SIRPD: variants seen among roughly 807,000 people sequenced by gnomAD.
SIRPD encodes the protein signal regulatory protein delta.
A neutral mutation model predicts 18.0 loss-of-function variants in SIRPD; 21 were observed. That is an observed-to-expected ratio of 1.17 (90% CI 0.83 to 1.68). The LOEUF (loss-of-function observed/expected upper bound fraction) is 1.68. Ranked by LOEUF, SIRPD falls within the 40% of genes most tolerant of loss-of-function variation. The pLI, the probability that SIRPD is intolerant of heterozygous loss-of-function variation, is 0.00. For synonymous variants in SIRPD, 106 were observed against 92.9 expected, an observed-to-expected ratio of 1.14 and a Z score of -0.81; for missense variants, 295 against 238.4, an observed-to-expected ratio of 1.24 and a Z score of -1.56.
rs148931532 is a variant in SIRPD at position 1,548,108 on chromosome 20, G to A, written c.421+3583C>T. Among the ~76,000 whole-genome samples the A allele has an allele frequency of 5.9e-5, 9 of 152,214 alleles. No individual in the cohort carries two copies. In the East Asian group the frequency reaches 1.4e-3, roughly 23 times the overall value. ...TCCTGACTAAAAATTTTAGTACAAC[G>A]TTGAGTAGAAATGGTGATAGGAGAT... On this transcript the variant is annotated intron_variant, in intron 2 of 3. Coordinates refer to ENST00000381623, the MANE Select transcript of SIRPD (RefSeq NM_178460.3).
intron 2 of SIRPD, among the ~76,000 whole-genome samples, chr20:1,539,785 G>C (rs1272453824): frequency 1.3e-5 from 2 of 152,150 alleles, no homozygotes; most frequent in Admixed American, 6.5e-5. Flanking sequence ...CTGTCCTATG[G>C]AGAAGCCCAT....
intron 2 of SIRPD, among the ~76,000 whole-genome samples, chr20:1,537,860 G>A (rs541648722): frequency 6.6e-6 from 1 of 152,234 alleles, no homozygotes; most frequent in South Asian, 2.1e-4. Context: ...TTAGAGAAAA[G>A]GGGAAGAAGC....
intron 2 of SIRPD, among the ~76,000 whole-genome samples, chr20:1,550,305 T>C (rs1052556182): frequency 1.3e-5 from 2 of 152,230 alleles, no homozygotes; most frequent in African/African-American, 2.4e-5. Flanking sequence ...AATAAAATGT[T>C]GACAACATGG....
chr20:1,556,817 C>A (rs150888672), intron 1 of SIRPD, among the ~76,000 whole-genome samples: 1 of 152,170 alleles, frequency 6.6e-6, no homozygotes, highest in Admixed American at 6.5e-5. Context: ...GCCCACACTT[C>A]GATTTTGAAT....
At position 1,557,676 on chromosome 20, in the gene SIRPD, T is replaced by C; in HGVS notation, c.-23A>G. On this transcript the variant is annotated 5_prime_UTR_variant, in exon 1 of 4. Coordinates refer to ENST00000381623, the MANE Select transcript of SIRPD (RefSeq NM_178460.3). ...CATTGTGGTGAAACCTGGAGCTTGC[T>C]CTGCCTGAATGCCTGTCCTGGAGAT... 1 of 1,610,092 alleles carries C rather than the reference T, an allele frequency of 6.2e-7. No homozygotes were observed. Among genetic ancestry groups the C allele is most frequent in the Non-Finnish European group, 8.5e-7 (1 of 1,177,914 alleles).
In SIRPD at chr20:1,547,685, G is replaced by T. The variant is rs545127869; in HGVS notation, c.421+4006C>A. ...GCTTGTCAATTTCTACAAAAAAGTAGGTTGGGATTCTGATAAGGATTGTGT... is the reference window on the plus strand; with the variant it reads ...GCTTGTCAATTTCTACAAAAAAGTATGTTGGGATTCTGATAAGGATTGTGT... On this transcript the variant is annotated intron_variant, in intron 2 of 3. Transcript: ENST00000381623. 2.0e-5 allele frequency among the ~76,000 whole-genome samples: 3 copies of T among 152,282 alleles called. No homozygotes were observed. The East Asian group carries it at 5.8e-4, about 29-fold the overall frequency.
chr20:1,554,504 T>C (rs1170794228), intron 1 of SIRPD, among the ~76,000 whole-genome samples: 1 of 152,172 alleles, frequency 6.6e-6, no homozygotes, highest in Non-Finnish European at 1.5e-5. Context: ...ACACTTTCCT[T>C]CTGCATCGGG....
chr20:1,557,512 G>T lies in SIRPD; in HGVS notation c.73+69C>A, dbSNP rs1344721917. The T allele has an allele frequency of 6.8e-6, 9 of 1,330,138 alleles. No individual in the cohort carries two copies. In the East Asian group the frequency reaches 1.9e-4, roughly 28 times the overall value. 82.4% of individuals were successfully genotyped at this position (1,330,138 alleles called of 1,614,324 possible). A position where few individuals can be genotyped will look rare whatever the true frequency, so the allele number is the denominator to read the frequency against. On this transcript the variant is annotated intron_variant, in intron 1 of 3. Transcript: ENST00000381623. ...CCCAAAAGAAATTCTATGGGAACAG[G>T]TGAGGGAGAGTTCACTAAACAGGCA...
At chr20:1,548,626 T>C (rs920151908) in intron 2 of SIRPD, among the ~76,000 whole-genome samples, 4 of 152,144 alleles carry the variant, frequency 2.6e-5, no homozygotes, top group Non-Finnish European at 5.9e-5. Context: ...TTATTACTAA[T>C]TTAATCTGTT....
At chr20:1,551,380 G>A (rs1399120415) in intron 2 of SIRPD, among the ~76,000 whole-genome samples, 1 of 152,156 alleles carries the variant, frequency 6.6e-6, no homozygotes, top group African/African-American at 2.4e-5. Context: ...GCCAAGTTCA[G>A]CCCATATTTG....
intron 2 of SIRPD, among the ~76,000 whole-genome samples, chr20:1,545,310 T>C (rs1019960013): frequency 6.6e-6 from 1 of 152,204 alleles, no homozygotes; most frequent in African/African-American, 2.4e-5. Context: ...GGTTTGTTCA[T>C]TCTTTTTCAC....
At chr20:1,553,898 G>C (rs2091029341) in intron 1 of SIRPD, 1 of 152,600 alleles carries the variant, frequency 6.6e-6, no homozygotes, top group South Asian at 2.1e-4. Context: ...GGGTTTTAAA[G>C]ATTCATCTTC....
At chr20:1,541,387 A>G (rs1242946455) in intron 2 of SIRPD, among the ~76,000 whole-genome samples, 1 of 152,232 alleles carries the variant, frequency 6.6e-6, no homozygotes, top group East Asian at 1.9e-4. Flanking sequence ...TCAAATGACC[A>G]GTGATGATGA....
chr20:1,549,734 T>G (rs1036043691), intron 2 of SIRPD, among the ~76,000 whole-genome samples: 2 of 152,136 alleles, frequency 1.3e-5, no homozygotes, highest in Non-Finnish European at 2.9e-5. Context: ...TAAATATTTT[T>G]TAAAAATAAT....
intron 2 of SIRPD, among the ~76,000 whole-genome samples, chr20:1,539,478 A>T (rs1268945792): frequency 1.3e-5 from 2 of 152,226 alleles, no homozygotes; most frequent in African/African-American, 2.4e-5. Flanking sequence ...GCTCAATTAC[A>T]TCAAATTTGT....
In SIRPD at chr20:1,551,713, C is replaced by A; in HGVS notation, c.399G>T (p.Arg133=). Residue 133 remains arginine (R), a synonymous_variant, in exon 2 of 4, where the codon CGG becomes CGT. Transcript: ENST00000381623. ...GRAIKEYQSG[R]GTQVFVTEQN... Reference sequence around the variant, plus strand: ...CACCAGTAACAAACACCTGAGTGCCCCGACCTGATTGGTACTCCTTGATAG... The same window carrying A: ...CACCAGTAACAAACACCTGAGTGCCACGACCTGATTGGTACTCCTTGATAG... 6.2e-7 allele frequency: 1 copy of A among 1,613,488 alleles called. No homozygotes were observed. The highest frequency in any genetic ancestry group is 1.1e-5 in the South Asian group (1 of 91,026).
intron 2 of SIRPD, chr20:1,540,300 A>C: frequency 2.2e-6 from 1 of 456,088 alleles, no homozygotes; most frequent in South Asian, 1.5e-5. Context: ...CCAGAGATGC[A>C]GATTTCAGAC....
intron 2 of SIRPD, among the ~76,000 whole-genome samples, chr20:1,548,671 T>C (rs1489136052): frequency 6.6e-6 from 1 of 152,142 alleles, no homozygotes; most frequent in Non-Finnish European, 1.5e-5. Flanking sequence ...GCTCCATTAT[T>C]TTTGGGCCAG....
intron 2 of SIRPD, among the ~76,000 whole-genome samples, chr20:1,541,639 T>C (rs79717611): frequency 0.16 from 24,781 of 152,232 alleles, 2,425 homozygotes; most frequent in Middle Eastern, 0.24. Flanking sequence ...GCTCTTTAGT[T>C]TACTTAGATC....
Sources: allele counts gnomAD v4.1 joint callset (sites outside exome capture counted in the v4.1 genomes callset), GRCh38; gene constraint gnomAD v4.1.1; transcripts MANE v1.5; gene names NCBI Gene and HGNC (gene_info 2026-07-23, HGNC 2026-07-21).